Variants in G3BP2 observed in about 807,000 individuals in gnomAD.
G3BP2 encodes G3BP stress granule assembly factor 2.
Under a neutral mutation model 56.7 loss-of-function variants are expected in G3BP2, and 11 were observed. That is an observed-to-expected ratio of 0.19 (90% CI 0.12 to 0.32). The LOEUF is 0.32. Ranked by LOEUF, G3BP2 falls within the 10% of genes least tolerant of loss-of-function variation. G3BP2 has a pLI of 1.00. For synonymous variants in G3BP2, 165 were observed against 191.6 expected, an observed-to-expected ratio of 0.86 and a Z score of 1.15; for missense variants, 340 against 610.9, an observed-to-expected ratio of 0.56 and a Z score of 4.67.
At chr4:75,694,447 A>G (rs1418094359) in intron 3 of G3BP2, among the ~76,000 whole-genome samples, 3 of 148,406 alleles carry the variant, frequency 2.0e-5, no homozygotes, top group Non-Finnish European at 4.4e-5. Flanking sequence ...CTAAAAATAC[A>G]AAAAAAATTA....
intron 3 of G3BP2, among the ~76,000 whole-genome samples, chr4:75,715,205 G>C (rs751304166): frequency 1.3e-5 from 2 of 152,158 alleles, no homozygotes; most frequent in African/African-American, 2.4e-5. Flanking sequence ...CTGGCACAGA[G>C]GACAGAGGCT....
chr4:75,663,553 T>C (rs978517675), intron 1 of G3BP2, among the ~76,000 whole-genome samples: 2 of 152,128 alleles, frequency 1.3e-5, no homozygotes, highest in Non-Finnish European at 2.9e-5. Flanking sequence ...ACAAAACTTA[T>C]CATTTACTGT....
intron 10 of G3BP2, 52 bp from the exon 11 acceptor site, chr4:75,646,508 T>C: frequency 1.0e-6 from 1 of 993,060 alleles, no homozygotes; most frequent in South Asian, 1.3e-5. Context: ...CAGAATACCT[T>C]GATGGCTCTA....
intron 2 of G3BP2, among the ~76,000 whole-genome samples, chr4:75,659,828 C>G (rs1016423245): frequency 2.0e-5 from 3 of 152,296 alleles, no homozygotes; most frequent in Middle Eastern, 3.4e-3. Flanking sequence ...AGAGTCCATG[C>G]TTTTAACCAC....
At chr4:75,666,863 G>C (rs995996934) in intron 1 of G3BP2, among the ~76,000 whole-genome samples, 1 of 152,088 alleles carries the variant, frequency 6.6e-6, no homozygotes, top group East Asian at 1.9e-4. Flanking sequence ...TCTGAATATG[G>C]GAGTAAAAGG....
At chr4:75,696,348 G>A (rs1418389465) in intron 3 of G3BP2, among the ~76,000 whole-genome samples, 1 of 152,144 alleles carries the variant, frequency 6.6e-6, no homozygotes, top group Non-Finnish European at 1.5e-5. Flanking sequence ...CCGTTTTTAT[G>A]TCTGGCATTC....
chr4:75,662,171 T>A (rs951007672), intron 1 of G3BP2, 122 bp from the exon 2 acceptor site: 6 of 593,346 alleles, frequency 1.0e-5, no homozygotes, highest in African/African-American at 7.5e-5. Flanking sequence ...TTAGTGACAC[T>A]AATGTTAATA....
intron 3 of G3BP2, among the ~76,000 whole-genome samples, chr4:75,719,287 G>A (rs1247817794): frequency 1.4e-5 from 2 of 142,464 alleles, no homozygotes; most frequent in Non-Finnish European, 3.0e-5. Context: ...GGCGGAGCTT[G>A]CAGTGAGCCG....
At chr4:75,701,354 ACTAT>A (rs1719335850) in intron 3 of G3BP2, among the ~76,000 whole-genome samples, 1 of 151,666 alleles carries the variant, frequency 6.6e-6, no homozygotes, top group Admixed American at 6.6e-5. Context: ...GTGCAGTGGC[ACTAT>A]CTAAGCTCAA....
intron 3 of G3BP2, among the ~76,000 whole-genome samples, chr4:75,693,786 TAAA>T (rs59421805): frequency 8.5e-4 from 120 of 141,406 alleles, no homozygotes; most frequent in Admixed American, 2.8e-3. Context: ...AGACTCCGTC[TAAA>T]AAAAAAAAAA....
upstream of G3BP2, among the ~76,000 whole-genome samples, chr4:75,677,743 T>C (rs1733932338): frequency 6.6e-6 from 1 of 152,226 alleles, no homozygotes; most frequent in African/African-American, 2.4e-5. Flanking sequence ...TTTTAAACTT[T>C]TAAGGCTTGC....
intron 3 of G3BP2, chr4:75,694,864 C>A: frequency 1.0e-6 from 1 of 985,546 alleles, no homozygotes; most frequent in South Asian, 4.7e-5. Context: ...GACATCACAT[C>A]CAGAAGTAAC....
At chr4:75,681,716 G>A (rs1734079644) in intron 3 of G3BP2, among the ~76,000 whole-genome samples, 1 of 151,732 alleles carries the variant, frequency 6.6e-6, no homozygotes, top group Admixed American at 6.6e-5. Context: ...GGGCGTGGTG[G>A]TGTGTGCCTG....
At chr4:75,685,671 AT>A (rs2149073885) in intron 3 of G3BP2, among the ~76,000 whole-genome samples, 1 of 152,272 alleles carries the variant, frequency 6.6e-6, no homozygotes, top group Non-Finnish European at 1.5e-5. Flanking sequence ...TGTTGCATAC[AT>A]GGTTTTCAGC....
intron 8 of G3BP2, among the ~76,000 whole-genome samples, chr4:75,651,956 T>C (rs902142909): frequency 6.6e-6 from 1 of 152,206 alleles, no homozygotes; most frequent in African/African-American, 2.4e-5. Flanking sequence ...CTTTTATCAA[T>C]AATCTATGTT....
chr4:75,683,598 A>G (rs1221611587), intron 3 of G3BP2, among the ~76,000 whole-genome samples: 2 of 151,896 alleles, frequency 1.3e-5, no homozygotes, highest in Admixed American at 6.6e-5. Context: ...TGTAACCTGC[A>G]CTTCTGGTTA....
chr4:75,651,582 T>C (rs1267714261), intron 8 of G3BP2, among the ~76,000 whole-genome samples: 2 of 152,232 alleles, frequency 1.3e-5, no homozygotes, highest in African/African-American at 4.8e-5. Context: ...GATTGACATA[T>C]GTTAACTAAG....
At chr4:75,704,185 A>G (rs1458117628) in intron 3 of G3BP2, among the ~76,000 whole-genome samples, 5 of 151,158 alleles carry the variant, frequency 3.3e-5, no homozygotes, top group African/African-American at 1.2e-4. Flanking sequence ...TGCCCGGCTA[A>G]TTTTTGTATT....
At chr4:75,653,570 GTT>G (rs1201093120) in intron 8 of G3BP2, among the ~76,000 whole-genome samples, 2 of 72,342 alleles carry the variant, frequency 2.8e-5, no homozygotes, top group African/African-American at 5.5e-5. Context: ...AAGTTTCCTG[GTT>G]TTTTTTTTTT....
Sources: allele counts gnomAD v4.1 joint callset (sites outside exome capture counted in the v4.1 genomes callset), GRCh38; gene constraint gnomAD v4.1.1; transcripts MANE v1.5; gene names NCBI Gene and HGNC (gene_info 2026-07-23, HGNC 2026-07-21).